PACC1: variants seen among roughly 807,000 people sequenced by gnomAD.
PACC1 encodes the protein proton activated chloride channel 1, also known as proton-activated chloride channel.
PACC1 carries 34 observed loss-of-function variants against 39.7 expected under a neutral mutation model. The ratio of observed to expected loss-of-function variants is 0.86; its 90% CI spans 0.65 to 1.14. The LOEUF (loss-of-function observed/expected upper bound fraction) is 1.14. Ranked by LOEUF, PACC1 falls within the 50% of genes most tolerant of loss-of-function variation. PACC1 has a pLI of 0.00. For synonymous variants in PACC1, 127 were observed against 160.6 expected (o/e 0.79, Z 1.58); for missense variants, 379 against 436.4 (o/e 0.87, Z 1.17).
At position 212,386,504 on chromosome 1, in the gene PACC1, C is replaced by T. The variant is rs1661104399; in HGVS notation, c.343+387G>A. Among the ~76,000 whole-genome samples the T allele has an allele frequency of 6.6e-6, 1 of 152,150 alleles. No individual in the cohort carries two copies. Among genetic ancestry groups the T allele is most frequent in the Non-Finnish European group, 1.5e-5 (1 of 68,026 alleles). ...GCTTCTCCTCATCCCTGCCCTCTGG[C>T]CCCAGCCAAGTTAGTCTCATCCTCT... On this transcript the variant is annotated intron_variant, in intron 3 of 7. Transcript: ENST00000261455. The surrounding 1 kb of genome is among the most constrained non-coding windows in gnomAD (Gnocchi z 5.0).
intron 2 of PACC1, among the ~76,000 whole-genome samples, chr1:212,409,570 G>C (rs2102545583): frequency 6.6e-6 from 1 of 152,248 alleles, no homozygotes; most frequent in South Asian, 2.1e-4. Context: ...TGCGTTAAGT[G>C]GTAGTACCAT....
intron 2 of PACC1, among the ~76,000 whole-genome samples, chr1:212,387,346 T>C (rs1661139516): frequency 6.6e-6 from 1 of 151,536 alleles, no homozygotes. Context: ...GAGTTTACTC[T>C]CAAAAGAAAA....
chr1:212,406,061 A>G lies in PACC1; in HGVS notation c.133+4364T>C, dbSNP rs189987422. ...GGAGGCTGAAATGAGCCATGATCAC[A>G]CCACTGTACTGTAGCCCAGTCCACA... On this transcript the variant is annotated intron_variant, in intron 2 of 7. Transcript: ENST00000261455. Among the ~76,000 whole-genome samples the G allele has an allele frequency of 2.7e-3, 380 of 139,686 alleles. 3 individuals are homozygous for G. Among genetic ancestry groups the G allele is most frequent in the African/African-American group, 9.8e-3 (364 of 37,248 alleles). 91.6% of individuals were successfully genotyped at this position (139,686 alleles called of 152,430 possible). A position where few individuals can be genotyped will look rare whatever the true frequency, so the allele number is the denominator to read the frequency against.
At chr1:212,407,947 G>A (rs753026222) in intron 2 of PACC1, among the ~76,000 whole-genome samples, 5 of 152,038 alleles carry the variant, frequency 3.3e-5, no homozygotes, top group African/African-American at 9.6e-5. Context: ...GGTGGCACAC[G>A]CCTATAGTCC....
chr1:212,410,616 A>G, intron 1 of PACC1, 95 bp from the exon 2 acceptor site: 1 of 1,129,580 alleles, frequency 8.9e-7, no homozygotes, highest in Non-Finnish European at 1.3e-6. Context: ...TTGTCACTTA[A>G]TTGTCACCAA....
intron 6 of PACC1, among the ~76,000 whole-genome samples, chr1:212,376,309 T>C (rs995270928): frequency 1.3e-5 from 2 of 152,216 alleles, no homozygotes; most frequent in Non-Finnish European, 2.9e-5. Flanking sequence ...CTCTAAACTC[T>C]AAAATGTGAT....
chr1:212,407,367 C>T (rs1280149175), intron 2 of PACC1, among the ~76,000 whole-genome samples: 1 of 152,218 alleles, frequency 6.6e-6, no homozygotes, highest in East Asian at 1.9e-4. Flanking sequence ...GAATTCAGGC[C>T]TGCTGACAGC....
At chr1:212,392,853 T>C (rs1661375075) in intron 2 of PACC1, among the ~76,000 whole-genome samples, 1 of 151,422 alleles carries the variant, frequency 6.6e-6, no homozygotes, top group South Asian at 2.1e-4. Flanking sequence ...CATTACATAA[T>C]GGTAAAGGGA....
At chr1:212,403,572 T>C (rs1661793057) in intron 2 of PACC1, among the ~76,000 whole-genome samples, 1 of 152,244 alleles carries the variant, frequency 6.6e-6, no homozygotes, top group South Asian at 2.1e-4. Context: ...TAGGTTTTTT[T>C]TCTTTTTTGA....
intron 2 of PACC1, among the ~76,000 whole-genome samples, chr1:212,405,629 G>A (rs1004322493): frequency 1.3e-5 from 2 of 152,144 alleles, no homozygotes; most frequent in African/African-American, 4.8e-5. Context: ...TCTGCTACAG[G>A]GAGGGGAGAA....
chr1:212,398,311 GAATA>G (rs1231900282), intron 2 of PACC1, among the ~76,000 whole-genome samples: 2 of 152,214 alleles, frequency 1.3e-5, no homozygotes, highest in African/African-American at 4.8e-5. Context: ...TTTGTCGAAT[GAATA>G]AATAACCTAA....
chr1:212,377,796 G>T, intron 5 of PACC1, 90 bp from the exon 6 acceptor site: 1 of 1,423,340 alleles, frequency 7.0e-7, no homozygotes. Context: ...TTTCTTTGCT[G>T]GCACAACCAG....
chr1:212,383,401 C>T (rs573302726), intron 4 of PACC1, among the ~76,000 whole-genome samples: 2 of 152,120 alleles, frequency 1.3e-5, no homozygotes, highest in Non-Finnish European at 2.9e-5. Flanking sequence ...GAAGCAGCCA[C>T]GAGTTTTCAT....
Position 212,375,207 on chromosome 1 carries a change from G to A in PACC1, c.877C>T (p.Gln293Ter). The part of the protein sequence containing the change: ...VVFEWKDPFI[Q>*]KVQDIVTANP... ...TAAATACTCACATCTTGGACTTTCT[G>A]GATGAAAGGATCTTTCCATTCAAAG... The change falls in exon 7 of 8, where the codon CAG (glutamine) becomes TAG (stop). Residue 293 changes from glutamine to a stop codon, truncating the protein, a stop_gained. Transcript: ENST00000261455. LOFTEE classifies it high-confidence loss of function. 6.2e-7 allele frequency: 1 copy of A among 1,612,614 alleles called. No individual in the cohort carries two copies. Among genetic ancestry groups the A allele is most frequent in the Non-Finnish European group, 8.5e-7 (1 of 1,178,860 alleles).
intron 7 of PACC1, among the ~76,000 whole-genome samples, chr1:212,370,398 G>A (rs1380033346): frequency 1.3e-5 from 2 of 152,216 alleles, no homozygotes; most frequent in African/African-American, 2.4e-5. Context: ...GAACCCGGGA[G>A]GCAGAGCTTG....
chr1:212,378,612 G>A (rs1191352160), intron 5 of PACC1, among the ~76,000 whole-genome samples: 1 of 152,176 alleles, frequency 6.6e-6, no homozygotes, highest in East Asian at 1.9e-4. Flanking sequence ...AAATTCTCCT[G>A]CCCTCTAGGC....
chr1:212,404,635 C>T (rs1029317907), intron 2 of PACC1, among the ~76,000 whole-genome samples: 1 of 151,502 alleles, frequency 6.6e-6, no homozygotes, highest in African/African-American at 2.4e-5. Flanking sequence ...CCAGCCCCTT[C>T]TTTTTCACCT....
At chr1:212,382,357 T>C (rs1660933839) in intron 4 of PACC1, among the ~76,000 whole-genome samples, 1 of 151,802 alleles carries the variant, frequency 6.6e-6, no homozygotes, top group Admixed American at 6.6e-5. Flanking sequence ...GTTTTATGGT[T>C]GCAAAAAAAA....
rs1660535549 is a variant in PACC1, at chr1:212,373,535, GA to G, written c.891+1657del. Among the ~76,000 whole-genome samples the G allele has an allele frequency of 2.6e-5, 4 of 152,188 alleles. No individual in the cohort carries two copies. In the South Asian group the frequency reaches 8.3e-4, roughly 32 times the overall value. On this transcript the variant is annotated intron_variant, in intron 7 of 7. Coordinates refer to ENST00000261455, the MANE Select transcript of PACC1 (RefSeq NM_018252.3). ...GCTAAAAAGCTTCTGTACAGCAAAG[GA>G]AACAATCAACAAAGTTAAGAGACAA...
Sources: allele counts gnomAD v4.1 joint callset (sites outside exome capture counted in the v4.1 genomes callset), GRCh38; gene constraint gnomAD v4.1.1; non-coding constraint Gnocchi (gnomAD v3.1); transcripts MANE v1.5; gene names NCBI Gene and HGNC (gene_info 2026-07-23, HGNC 2026-07-21).